The following CCDC85A variants were observed in gnomAD, a reference collection of about 807,000 sequenced individuals.
The protein encoded by CCDC85A is coiled-coil domain containing 85A, also known as coiled-coil domain-containing protein 85A.
CCDC85A carries 38 observed loss-of-function variants against 50.2 expected under a neutral mutation model. The observed-to-expected ratio is 0.76, with a 90% CI of 0.58 to 0.99. The LOEUF is 0.99. Among genes scored for constraint, CCDC85A ranks in the 50% least tolerant of loss-of-function variants. CCDC85A has a pLI of 0.00. For missense variants in CCDC85A, 820 were observed against 742.0 expected (o/e 1.11, Z -1.22); for synonymous variants, 366 against 301.4 (o/e 1.21, Z -2.22).
At chr2:56,313,121 A>C (rs1160052393) in intron 2 of CCDC85A, among the ~76,000 whole-genome samples, 1 of 152,118 alleles carries the variant, frequency 6.6e-6, no homozygotes, top group African/African-American at 2.4e-5. Context: ...ATGAGGAATT[A>C]TATTGTCCTG....
At chr2:56,351,122 G>C (rs1232525991) in intron 3 of CCDC85A, among the ~76,000 whole-genome samples, 2 of 145,232 alleles carry the variant, frequency 1.4e-5, no homozygotes, top group African/African-American at 2.6e-5. Context: ...TTGTTCTTGC[G>C]ATAGTTTACT....
intron 2 of CCDC85A, among the ~76,000 whole-genome samples, chr2:56,264,525 A>G (rs1670354495): frequency 6.6e-6 from 1 of 152,144 alleles, no homozygotes; most frequent in South Asian, 2.1e-4. Flanking sequence ...CATTTGTTCT[A>G]CCTATACTGC....
At chr2:56,272,744 A>G (rs2111475) in intron 2 of CCDC85A, among the ~76,000 whole-genome samples, 47,938 of 152,024 alleles carry the variant, frequency 0.32, 7,778 homozygotes, top group East Asian at 0.45. Flanking sequence ...ATCCTTACAT[A>G]TGAGAGTCTC....
chr2:56,274,936 GGT>G (rs1347706924), intron 2 of CCDC85A, among the ~76,000 whole-genome samples: 1 of 152,086 alleles, frequency 6.6e-6, no homozygotes, highest in Non-Finnish European at 1.5e-5. Flanking sequence ...TGGCCTTCTT[GGT>G]GTGTGTGGGT....
chr2:56,345,838 T>C (rs556443829), intron 3 of CCDC85A, among the ~76,000 whole-genome samples: 1 of 152,344 alleles, frequency 6.6e-6, no homozygotes, highest in Admixed American at 6.5e-5. Flanking sequence ...TTAGCTGATT[T>C]GCAAGGTCAA....
intron 1 of CCDC85A, among the ~76,000 whole-genome samples, chr2:56,190,716 C>A (rs947164551): frequency 5.3e-5 from 8 of 152,092 alleles, no homozygotes; most frequent in African/African-American, 1.9e-4. Flanking sequence ...GGGGTGTTCC[C>A]ACCTTCTCCA....
rs1675886846 is a variant in CCDC85A at position 56,184,188 on chromosome 2, A to G, written c.-437A>G. 1 of 987,268 alleles carries G rather than the reference A, an allele frequency of 1.0e-6. No individual in the cohort carries two copies. Among genetic ancestry groups the G allele is most frequent in the African/African-American group, 1.7e-5 (1 of 57,290 alleles). 61.2% of individuals were successfully genotyped at this position (987,268 alleles called of 1,614,324 possible). A position where few individuals can be genotyped will look rare whatever the true frequency, so the allele number is the denominator to read the frequency against. On this transcript the variant is annotated 5_prime_UTR_variant, in exon 1 of 6. Coordinates refer to ENST00000407595, the MANE Select transcript of CCDC85A (RefSeq NM_001080433.2). ...GAGAAGCCGGGGGCTGCAGCTGGGC[A>G]AGGGGGAGGAAAGTGCGTGTGCGTG...
chr2:56,277,140 A>G (rs1357342104), intron 2 of CCDC85A, among the ~76,000 whole-genome samples: 1 of 152,174 alleles, frequency 6.6e-6, no homozygotes, highest in Admixed American at 6.5e-5. Flanking sequence ...AGCAGCTTAA[A>G]TGAGGAAGCT....
intron 2 of CCDC85A, among the ~76,000 whole-genome samples, chr2:56,223,939 C>T (rs1205632236): frequency 6.6e-6 from 1 of 152,126 alleles, no homozygotes; most frequent in Non-Finnish European, 1.5e-5. Context: ...TCTCCTCTTC[C>T]TTCACTTAAT....
rs1441635640 is a variant in CCDC85A at position 56,375,878 on chromosome 2, C to T, written c.1515C>T (p.Ser505=). ...ACAGTTCACCCAACTCTGCAGCTAG[C>T]TTCAGTGGACATGCCACACCTTCCC... The part of the protein sequence containing the change: ...GSNSSPNSAA[S]FSGHATPSQQ... Residue 505 remains serine (S), a synonymous_variant, in exon 5 of 6, where the codon AGC becomes AGT. Transcript: ENST00000407595. 3 of 1,613,796 alleles carry T rather than the reference C, an allele frequency of 1.9e-6. No individual in the cohort carries two copies. Among genetic ancestry groups the T allele is most frequent in the South Asian group, 2.2e-5 (2 of 91,074 alleles).
chr2:56,378,503 T>G (rs1487003998), intron 5 of CCDC85A, among the ~76,000 whole-genome samples: 2 of 152,186 alleles, frequency 1.3e-5, no homozygotes, highest in African/African-American at 4.8e-5. Context: ...AAGGAGCTCT[T>G]TATGTTTTCT....
Position 56,374,217 on chromosome 2 carries a change from C to A in CCDC85A, c.1453-1599C>A, listed in dbSNP as rs944473744. ...CATGCCATATTCTACTGCTTCCTCT[C>A]CTTGTTGGCCAGTGAGGCTGGGTGC... is the stretch of plus-strand genomic sequence containing the variant. On this transcript the variant is annotated intron_variant, in intron 4 of 5. Coordinates refer to ENST00000407595, the MANE Select transcript of CCDC85A (RefSeq NM_001080433.2). Among the ~76,000 whole-genome samples the A allele has an allele frequency of 4.6e-5, 7 of 152,184 alleles. No individual in the cohort carries two copies. In the South Asian group the frequency reaches 8.3e-4, roughly 18 times the overall value.
chr2:56,347,535 A>G (rs1023252005), intron 3 of CCDC85A, among the ~76,000 whole-genome samples: 3 of 152,182 alleles, frequency 2.0e-5, no homozygotes, highest in African/African-American at 7.2e-5. Context: ...TCTTAACGCC[A>G]TGGTATACAA....
rs1301804811 is a variant in CCDC85A at position 56,385,142 on chromosome 2, T to C, written c.*787T>C. On this transcript the variant is annotated 3_prime_UTR_variant, in exon 6 of 6. Transcript: ENST00000407595. ...CATTCAGTGTATCCATTGGTGTTAA[T>C]ATTAACAATTTCAACTAAAAACAAC... is the stretch of plus-strand genomic sequence containing the variant. The C allele has an allele frequency of 6.6e-6, 1 of 152,270 alleles. No individual in the cohort carries two copies. The highest frequency in any genetic ancestry group is 2.4e-5 in the African/African-American group (1 of 41,406). The allele number at this position is 152,270 out of a possible 1,614,324, so 9.4% of individuals were successfully genotyped here.
At chr2:56,220,418 G>A (rs2103904550) in intron 2 of CCDC85A, among the ~76,000 whole-genome samples, 1 of 152,038 alleles carries the variant, frequency 6.6e-6, no homozygotes, top group African/African-American at 2.4e-5. Flanking sequence ...AACAAGATGT[G>A]ATTATTTATA....
intron 2 of CCDC85A, among the ~76,000 whole-genome samples, chr2:56,226,763 A>C (rs1298968217): frequency 2.6e-5 from 4 of 151,974 alleles, no homozygotes. Flanking sequence ...TAAGGAATTT[A>C]ATGGCCATGC....
Position 56,184,294 on chromosome 2 carries a change from C to A in CCDC85A, c.-331C>A. 2.9e-6 allele frequency: 2 copies of A among 688,942 alleles called. No individual in the cohort carries two copies. Among genetic ancestry groups the A allele is most frequent in the Non-Finnish European group, 3.7e-6 (2 of 535,516 alleles). The allele number at this position is 688,942 out of a possible 1,614,324, so 42.7% of individuals were successfully genotyped here. On this transcript the variant is annotated 5_prime_UTR_variant, in exon 1 of 6. Transcript: ENST00000407595. ...AGGAGAGGGCAGGGGAACGGCGGTG[C>A]AGCTCCCCCGCTGTCCCCGAGGATT... is the stretch of plus-strand genomic sequence containing the variant.
intron 2 of CCDC85A, among the ~76,000 whole-genome samples, chr2:56,330,256 G>A (rs1034411295): frequency 1.3e-5 from 2 of 152,032 alleles, no homozygotes; most frequent in Admixed American, 6.6e-5. Flanking sequence ...ATAGTCCCCA[G>A]TTCTGTCGCC....
At chr2:56,282,699 G>C (rs1232698174) in intron 2 of CCDC85A, among the ~76,000 whole-genome samples, 1 of 152,060 alleles carries the variant, frequency 6.6e-6, no homozygotes, top group Admixed American at 6.6e-5. Context: ...TAGTAGAGAC[G>C]GGGTTTCACC....
Sources: gnomAD v4.1 joint callset for allele counts (sites outside exome capture counted in the v4.1 genomes callset) on GRCh38, gnomAD v4.1.1 for gene constraint, MANE v1.5 for transcripts, NCBI Gene and HGNC (gene_info 2026-07-23, HGNC 2026-07-21) for gene names.